The following ZFHX3 variants were observed in gnomAD, a reference collection of about 807,000 sequenced individuals.
The protein encoded by ZFHX3 is zinc finger homeobox protein 3.
Under a neutral mutation model 279.1 loss-of-function variants are expected in ZFHX3, and 42 were observed. That is an observed-to-expected ratio of 0.15 (90% CI 0.12 to 0.19). The LOEUF (loss-of-function observed/expected upper bound fraction) is 0.19, where lower values mean the gene tolerates loss of function less well. ZFHX3 is among the 10% of genes least tolerant of loss of function. The pLI is 1.00. For synonymous variants in ZFHX3, 2,293 were observed against 1,957.8 expected (o/e 1.17, Z -4.52); for missense variants, 4,981 against 4,754.0 (o/e 1.05, Z -1.40).
intron 1 of ZFHX3, among the ~76,000 whole-genome samples, chr16:73,818,819 C>T (rs1353726749): frequency 2.0e-5 from 3 of 152,276 alleles, no homozygotes; most frequent in African/African-American, 7.2e-5. Flanking sequence ...CAACAGAGGG[C>T]TGGAGACTGA....
At chr16:73,646,863 T>A (rs552689526) in intron 2 of ZFHX3, among the ~76,000 whole-genome samples, 1 of 152,326 alleles carries the variant, frequency 6.6e-6, no homozygotes, top group South Asian at 2.1e-4. Context: ...GCCAGTTTTA[T>A]AAGTGAGCTC....
At position 73,733,022 on chromosome 16, in the gene ZFHX3, T is replaced by C. The variant is rs9925456; in HGVS notation, c.-1607-52782A>G. ...AAGATCTACAGCAGTTTATTTATTTTAATGTTAGGTGATGCTTTTTTACTG... is the reference window on the plus strand; with the variant it reads ...AAGATCTACAGCAGTTTATTTATTTCAATGTTAGGTGATGCTTTTTTACTG... On this transcript the variant is annotated intron_variant, in intron 1 of 17. Coordinates refer to the ZFHX3 transcript ENST00000641206. Among the ~76,000 whole-genome samples the C allele has an allele frequency of 2.2e-3, 334 of 152,328 alleles. 1 individual carries two copies. Among genetic ancestry groups the C allele is most frequent in the African/African-American group, 7.5e-3 (312 of 41,574 alleles).
intron 3 of ZFHX3, among the ~76,000 whole-genome samples, chr16:72,927,517 G>C (rs1013179249): frequency 6.6e-6 from 1 of 152,198 alleles, no homozygotes; most frequent in East Asian, 1.9e-4. Flanking sequence ...CTCACAAAAG[G>C]AGGATTTGGG....
chr16:73,778,518 G>A (rs1008535598), intron 1 of ZFHX3, among the ~76,000 whole-genome samples: 1 of 152,204 alleles, frequency 6.6e-6, no homozygotes, highest in Non-Finnish European at 1.5e-5. Context: ...GCAGCAATAT[G>A]TATTAAGCTG....
intron 5 of ZFHX3, among the ~76,000 whole-genome samples, chr16:73,196,395 T>A (rs995602543): frequency 6.6e-6 from 1 of 152,068 alleles, no homozygotes; most frequent in South Asian, 2.1e-4. Flanking sequence ...CAATTTCCCA[T>A]CCTGATGGCT....
upstream of ZFHX3, among the ~76,000 whole-genome samples, chr16:73,062,574 A>G (rs1231542273): frequency 2.6e-5 from 4 of 152,228 alleles, no homozygotes; most frequent in African/African-American, 9.6e-5. Flanking sequence ...CAATGTGAGC[A>G]GCTATTATTT....
At chr16:72,887,874 T>C (rs1453984269) in intron 4 of ZFHX3, among the ~76,000 whole-genome samples, 2 of 151,954 alleles carry the variant, frequency 1.3e-5, no homozygotes, top group Non-Finnish European at 2.9e-5. Flanking sequence ...AGTGTATGTG[T>C]GTGCGCGCAC....
At chr16:73,174,742 G>T (rs1037123890) in intron 5 of ZFHX3, among the ~76,000 whole-genome samples, 1 of 151,850 alleles carries the variant, frequency 6.6e-6, no homozygotes, top group African/African-American at 2.4e-5. Flanking sequence ...TCAGGGCCGA[G>T]CACAGTGGCT....
intron 1 of ZFHX3, among the ~76,000 whole-genome samples, chr16:73,737,942 T>C (rs2053623281): frequency 6.6e-6 from 1 of 152,146 alleles, no homozygotes; most frequent in South Asian, 2.1e-4. Context: ...TAGAGGTACT[T>C]TTTAGCAGCT....
At chr16:73,601,637 T>C (rs776996495) in intron 2 of ZFHX3, among the ~76,000 whole-genome samples, 6 of 152,320 alleles carry the variant, frequency 3.9e-5, no homozygotes, top group Admixed American at 6.5e-5. Context: ...ACAGTTCTTT[T>C]GATTTCTGAT....
Position 72,788,808 on chromosome 16 carries a change from G to T in ZFHX3, c.9468C>A (p.Ser3156Arg). Residue 3156 changes from serine to arginine, a missense_variant, in exon 10 of 10, where the codon AGC becomes AGA. This residue lies in a region of ZFHX3 where 1,034 missense variants were observed against 786.0 expected (regional missense o/e 1.32). Transcript: ENST00000268489. ...SPKPNLMGLP[S>R]TTVPSPGLPT... Reference sequence around the variant, plus strand: ...GGAGGCCAGGGGAAGGAACAGTTGTGCTGGGCAGACCCATCAAGTTCGGCT... The same window carrying T: ...GGAGGCCAGGGGAAGGAACAGTTGTTCTGGGCAGACCCATCAAGTTCGGCT... 6.5e-7 allele frequency: 1 copy of T among 1,537,774 alleles called. No individual in the cohort carries two copies.
chr16:72,904,412 A>AAAT (rs1190413837), intron 3 of ZFHX3, among the ~76,000 whole-genome samples: 7 of 150,444 alleles, frequency 4.7e-5, no homozygotes, highest in African/African-American at 1.7e-4. Context: ...ATAAATAAAT[A>AAAT]AATAAATAAA....
intron 5 of ZFHX3, among the ~76,000 whole-genome samples, chr16:72,821,122 G>C (rs977558369): frequency 6.6e-6 from 1 of 152,220 alleles, no homozygotes; most frequent in Admixed American, 6.5e-5. Flanking sequence ...TGTCCAGAAT[G>C]GTGACAGACA....
intron 1 of ZFHX3, among the ~76,000 whole-genome samples, chr16:73,806,208 G>C (rs1960272211): frequency 6.6e-6 from 1 of 152,150 alleles, no homozygotes; most frequent in South Asian, 2.1e-4. Context: ...TTGACACGTG[G>C]GGATTATTAC....
At chr16:73,432,672 G>A (rs1433520975) in intron 3 of ZFHX3, among the ~76,000 whole-genome samples, 2 of 152,202 alleles carry the variant, frequency 1.3e-5, no homozygotes, top group South Asian at 2.1e-4. Flanking sequence ...AAGCCATTAA[G>A]ATACAGAAAG....
At chr16:72,967,998 C>G (rs1476526815) in intron 1 of ZFHX3, among the ~76,000 whole-genome samples, 2 of 144,712 alleles carry the variant, frequency 1.4e-5, no homozygotes, top group East Asian at 3.9e-4. Context: ...CAGGATACTT[C>G]TTAATTATAG....
intron 8 of ZFHX3, among the ~76,000 whole-genome samples, 194 bp downstream of exon 8, chr16:72,799,833 T>A (rs1016622950): frequency 6.6e-6 from 1 of 152,224 alleles, no homozygotes; most frequent in Non-Finnish European, 1.5e-5. Flanking sequence ...TCTCTCACTT[T>A]AAACCATGTG....
intron 1 of ZFHX3, among the ~76,000 whole-genome samples, chr16:73,687,924 C>T (rs1262308898): frequency 6.6e-6 from 1 of 151,042 alleles, no homozygotes; most frequent in African/African-American, 2.4e-5. Flanking sequence ...CCCAAAATTT[C>T]CATAATACTT....
chr16:72,985,374 G>C (rs920319227), intron 1 of ZFHX3, among the ~76,000 whole-genome samples: 2 of 152,178 alleles, frequency 1.3e-5, no homozygotes, highest in African/African-American at 4.8e-5. Flanking sequence ...CAAATAAGTG[G>C]TTTCTCTGTA....
Sources: gnomAD v4.1 joint callset for allele counts (sites outside exome capture counted in the v4.1 genomes callset) on GRCh38, gnomAD v4.1.1 for gene constraint, gnomAD v4.1.1 regional missense constraint, MANE v1.5 for transcripts, NCBI Gene and HGNC (gene_info 2026-07-23, HGNC 2026-07-21) for gene names.